DTNB: variants seen among roughly 807,000 people sequenced by gnomAD.
The protein encoded by DTNB is dystrobrevin beta.
DTNB carries 63 observed loss-of-function variants against 90.7 expected under a neutral mutation model. The observed-to-expected ratio is 0.69, with a 90% confidence interval of 0.57 to 0.86. The LOEUF is 0.86. Among genes scored for constraint, DTNB ranks in the 40% least tolerant of loss-of-function variants. The pLI is 0.00. For missense variants in DTNB, 744 were observed against 807.1 expected (o/e 0.92, Z 0.95); for synonymous variants, 277 against 286.7 (o/e 0.97, Z 0.34).
At chr2:25,399,384 C>T (rs2043159653) in intron 16 of DTNB, 1 of 117,456 alleles carries the variant, frequency 8.5e-6, no homozygotes. Context: ...CTTGCTGTTT[C>T]CCAGGCTAGA....
At position 25,635,428 on chromosome 2, in the gene DTNB, A is replaced by G. The variant is rs552736789; in HGVS notation, c.148+3586T>C. The stretch of plus-strand genomic sequence containing the variant: ...AGCGATAGAGCGACTCTGATTCAAA[A>G]CATAAATAAATAAAAATTTAAAAAA... On this transcript the variant is annotated intron_variant, in intron 3 of 20. Transcript: ENST00000406818. 2.6e-5 allele frequency among the ~76,000 whole-genome samples: 4 copies of G among 152,342 alleles called. No homozygotes were observed. In the South Asian group the frequency reaches 8.3e-4, roughly 32 times the overall value.
intron 10 of DTNB, among the ~76,000 whole-genome samples, chr2:25,475,213 T>C (rs542068523): frequency 3.3e-4 from 51 of 152,316 alleles, no homozygotes; most frequent in Middle Eastern, 3.4e-3. Flanking sequence ...AAGCTATGAA[T>C]GCAAAGGAAA....
At chr2:25,631,643 C>T (rs868591119) in intron 3 of DTNB, among the ~76,000 whole-genome samples, 1 of 150,482 alleles carries the variant, frequency 6.6e-6, no homozygotes, top group African/African-American at 2.4e-5. Context: ...TTACATCTAA[C>T]AGAATAGTCT....
intron 9 of DTNB, among the ~76,000 whole-genome samples, chr2:25,489,784 T>C (rs1168962674): frequency 1.3e-5 from 2 of 152,060 alleles, no homozygotes; most frequent in African/African-American, 2.4e-5. Flanking sequence ...TAATTTGAAT[T>C]GTTAAAACCA....
At chr2:25,527,578 C>T (rs1387541389) in intron 9 of DTNB, among the ~76,000 whole-genome samples, 1 of 151,558 alleles carries the variant, frequency 6.6e-6, no homozygotes, top group Non-Finnish European at 1.5e-5. Flanking sequence ...TAAAAAAGGC[C>T]CATTAGCACA....
chr2:25,456,604 G>A (rs1329827558), intron 10 of DTNB, among the ~76,000 whole-genome samples: 3 of 151,672 alleles, frequency 2.0e-5, no homozygotes, highest in Non-Finnish European at 4.4e-5. Flanking sequence ...ACAGAGTCTC[G>A]CTTTGTCTCC....
intron 1 of DTNB, among the ~76,000 whole-genome samples, chr2:25,655,618 C>T (rs1286640464): frequency 6.6e-6 from 1 of 152,106 alleles, no homozygotes; most frequent in Non-Finnish European, 1.5e-5. Flanking sequence ...TCCTAACATG[C>T]TACTAGAATG....
intron 8 of DTNB, among the ~76,000 whole-genome samples, chr2:25,543,313 G>GT (rs11400422): frequency 0.29 from 43,255 of 146,812 alleles, 7,042 homozygotes; most frequent in East Asian, 0.52. Flanking sequence ...TTTGTTTTTT[G>GT]TTTTTTTTTT....
chr2:25,610,471 G>A (rs1295487947), intron 4 of DTNB, among the ~76,000 whole-genome samples: 1 of 152,106 alleles, frequency 6.6e-6, no homozygotes, highest in Non-Finnish European at 1.5e-5. Flanking sequence ...TATGCCTTTA[G>A]TTAATTCTGT....
intron 16 of DTNB, among the ~76,000 whole-genome samples, chr2:25,413,894 C>T (rs967018783): frequency 6.6e-6 from 1 of 152,232 alleles, no homozygotes; most frequent in Non-Finnish European, 1.5e-5. Flanking sequence ...ACAGTCCCAC[C>T]AACAGTGTAA....
Position 25,607,309 on chromosome 2 carries a change from G to T in DTNB, c.375C>A (p.Gly125=). 1 of 1,602,612 alleles carries T rather than the reference G, an allele frequency of 6.2e-7. No individual in the cohort carries two copies. Among genetic ancestry groups the T allele is most frequent in the Non-Finnish European group, 8.5e-7 (1 of 1,174,286 alleles). ...CTTTAACTGAAAATACCGTCAACTTGCCTCGGCCCTCACTGCAAAATAAAT... is the reference window on the plus strand; with the variant it reads ...CTTTAACTGAAAATACCGTCAACTTTCCTCGGCCCTCACTGCAAAATAAAT... ...MIAAYDSEGR[G]KLTVFSVKAM... is the part of the protein sequence containing the mutation. The change falls in exon 5 of 21, where the codon GGC becomes GGA. Residue 125 remains glycine, a synonymous_variant. Transcript: ENST00000406818.
chr2:25,381,216 T>C (rs568760852), intron 19 of DTNB, among the ~76,000 whole-genome samples: 34 of 151,942 alleles, frequency 2.2e-4, no homozygotes, highest in South Asian at 4.2e-4. Flanking sequence ...TGCGTGTGTG[T>C]GCGCGTGTTT....
chr2:25,634,372 G>A (rs1482961077), intron 3 of DTNB, among the ~76,000 whole-genome samples: 1 of 142,170 alleles, frequency 7.0e-6, no homozygotes, highest in South Asian at 2.3e-4. Context: ...CGCCCCGTCC[G>A]GGAGGGAGGT....
chr2:25,550,582 G>A (rs999949164), intron 8 of DTNB, among the ~76,000 whole-genome samples: 5 of 151,980 alleles, frequency 3.3e-5, no homozygotes, highest in African/African-American at 1.2e-4. Flanking sequence ...ATATTTGAGG[G>A]CTTATACCTT....
At chr2:25,490,455 C>G (rs1025713430) in intron 9 of DTNB, among the ~76,000 whole-genome samples, 1 of 152,140 alleles carries the variant, frequency 6.6e-6, no homozygotes, top group African/African-American at 2.4e-5. Flanking sequence ...ATATGTCCAT[C>G]AAAGATCTTA....
chr2:25,442,718 T>G (rs2057706325), intron 12 of DTNB, among the ~76,000 whole-genome samples: 1 of 152,230 alleles, frequency 6.6e-6, no homozygotes, highest in East Asian at 1.9e-4. Context: ...CAGAAGGGTA[T>G]TTAAAGGGTA....
At chr2:25,537,970 C>T (rs931746538) in intron 8 of DTNB, among the ~76,000 whole-genome samples, 3 of 152,150 alleles carry the variant, frequency 2.0e-5, no homozygotes, top group Admixed American at 6.5e-5. Context: ...GAGGTCTTAA[C>T]GTAGAAAGTG....
At chr2:25,423,273 T>C (rs542341023) in intron 15 of DTNB, among the ~76,000 whole-genome samples, 26 of 152,312 alleles carry the variant, frequency 1.7e-4, no homozygotes, top group African/African-American at 6.0e-4. Flanking sequence ...CTAGTCACCA[T>C]GATATGCCAA....
At chr2:25,587,801 C>T (rs2062736038) in intron 6 of DTNB, among the ~76,000 whole-genome samples, 1 of 152,106 alleles carries the variant, frequency 6.6e-6, no homozygotes. Context: ...TGAGACAGGC[C>T]TCATTACTAT....
Sources: gnomAD v4.1 joint callset for allele counts (sites outside exome capture counted in the v4.1 genomes callset) on GRCh38, gnomAD v4.1.1 for gene constraint, MANE v1.5 for transcripts, NCBI Gene and HGNC (gene_info 2026-07-23, HGNC 2026-07-21) for gene names.